Variants in VAV2 observed in about 807,000 individuals in gnomAD.
VAV2 encodes guanine nucleotide exchange factor VAV2.
VAV2 carries 67 observed loss-of-function variants against 132.5 expected under a neutral mutation model. That is an observed-to-expected ratio of 0.51 (90% CI 0.42 to 0.62). The LOEUF (loss-of-function observed/expected upper bound fraction) is 0.62, where lower values mean the gene tolerates loss of function less well. VAV2 is among the 20% of genes least tolerant of loss of function. VAV2 has a pLI of 0.00. For synonymous variants in VAV2, 492 were observed against 443.5 expected (o/e 1.11, Z -1.37); for missense variants, 938 against 1,153.6 (o/e 0.81, Z 2.71).
intron 2 of VAV2, among the ~76,000 whole-genome samples, chr9:133,917,437 C>CTTTTTTTTTTT (rs1196428348): frequency 2.0e-5 from 1 of 49,014 alleles, no homozygotes; most frequent in African/African-American, 1.0e-4. Context: ...ACAGAAAACT[C>CTTTTTTTTTTT]TTTCTTTTTT....
chr9:133,821,360 C>A (rs1835779664), intron 4 of VAV2, among the ~76,000 whole-genome samples: 1 of 152,214 alleles, frequency 6.6e-6, no homozygotes, highest in Non-Finnish European at 1.5e-5. Flanking sequence ...GGAGGGGAGG[C>A]AGCGAGGGAA....
chr9:133,950,416 C>G (rs999273255), intron 1 of VAV2, among the ~76,000 whole-genome samples: 6 of 152,132 alleles, frequency 3.9e-5, no homozygotes, highest in Non-Finnish European at 7.3e-5. Flanking sequence ...GTGTTCAGAG[C>G]CAGCAGCTGA....
At chr9:133,777,320 G>A (rs990242651) in intron 23 of VAV2, 69 bp downstream of exon 23, 51 of 1,526,804 alleles carry the variant, frequency 3.3e-5, no homozygotes, top group Middle Eastern at 3.4e-4. Context: ...TCCACGTGAG[G>A]AGGCAGCTCC....
chr9:133,765,658 G>C (rs1422562255), intron 29 of VAV2, among the ~76,000 whole-genome samples: 15 of 152,208 alleles, frequency 9.9e-5, no homozygotes, highest in Non-Finnish European at 4.4e-5. Context: ...AGAAGAGCTA[G>C]AGAAGACATG....
At chr9:133,839,754 G>A (rs974193659) in intron 3 of VAV2, among the ~76,000 whole-genome samples, 14 of 152,154 alleles carry the variant, frequency 9.2e-5, no homozygotes, top group Admixed American at 3.3e-4. Context: ...CAGCCTACAC[G>A]AGGAGGCATT....
chr9:133,822,557 C>A (rs1835832525), intron 4 of VAV2, among the ~76,000 whole-genome samples: 1 of 152,146 alleles, frequency 6.6e-6, no homozygotes, highest in Non-Finnish European at 1.5e-5. Context: ...AGACCCTCAC[C>A]ACGACCCATG....
intron 1 of VAV2, among the ~76,000 whole-genome samples, chr9:133,946,559 C>T (rs535304442): frequency 1.3e-5 from 2 of 152,350 alleles, no homozygotes; most frequent in East Asian, 3.9e-4. Flanking sequence ...TCTTGAAATA[C>T]TTCAACAAGT....
At position 133,764,003 on chromosome 9, in the gene VAV2, C is replaced by T; in HGVS notation, c.*59G>A. 5 of 1,603,838 alleles carry T rather than the reference C, an allele frequency of 3.1e-6. No homozygotes were observed. The highest frequency in any genetic ancestry group is 4.3e-6 in the Non-Finnish European group (5 of 1,170,810). On this transcript the variant is annotated 3_prime_UTR_variant, in exon 30 of 30. Transcript: ENST00000371850. ...GAGTCACAGAGGAGCTAGAGACAGA[C>T]TTCAGGGCTGGAGTGACTCTCCCAA...
chr9:133,782,696 G>A (rs750220189), intron 19 of VAV2, among the ~76,000 whole-genome samples: 2 of 152,174 alleles, frequency 1.3e-5, no homozygotes, highest in African/African-American at 2.4e-5. Flanking sequence ...CCAGAGACTC[G>A]GCCTGGGGCC....
intron 3 of VAV2, among the ~76,000 whole-genome samples, chr9:133,849,343 G>A (rs1031292153): frequency 6.6e-6 from 1 of 152,180 alleles, no homozygotes; most frequent in African/African-American, 2.4e-5. Flanking sequence ...GCCTCCTCCT[G>A]GGCCGGGAGT....
In VAV2 at chr9:133,828,833, C is replaced by T. The variant is rs554726389; in HGVS notation, c.449+5439G>A. Among the ~76,000 whole-genome samples the T allele has an allele frequency of 3.3e-5, 5 of 152,354 alleles. No homozygotes were observed. In the South Asian group the frequency reaches 1.0e-3, roughly 32 times the overall value. On this transcript the variant is annotated intron_variant, in intron 4 of 29. Coordinates refer to ENST00000371850, the MANE Select transcript of VAV2 (RefSeq NM_001134398.2). Reference sequence around the variant, plus strand: ...GGAGCCCCACCTTGCCCTCCAGCCTCGCCTTCCACACCCTGCACAACTCCT... The same window carrying T: ...GGAGCCCCACCTTGCCCTCCAGCCTTGCCTTCCACACCCTGCACAACTCCT...
chr9:133,829,796 A>C (rs973287370), intron 4 of VAV2, among the ~76,000 whole-genome samples: 5 of 152,166 alleles, frequency 3.3e-5, no homozygotes, highest in African/African-American at 1.2e-4. Flanking sequence ...CCAGCCTATA[A>C]AATACATTCT....
intron 2 of VAV2, among the ~76,000 whole-genome samples, chr9:133,896,997 G>T (rs1839233033): frequency 6.6e-6 from 1 of 152,082 alleles, no homozygotes; most frequent in Non-Finnish European, 1.5e-5. Context: ...GGGAGGCTGA[G>T]GCAGGAGAAT....
At chr9:133,878,724 A>G (rs374512013) in intron 2 of VAV2, among the ~76,000 whole-genome samples, 34 of 152,294 alleles carry the variant, frequency 2.2e-4, no homozygotes, top group African/African-American at 7.0e-4. Context: ...GGGATCCCCC[A>G]AGCAGTGGCC....
chr9:133,972,418 G>A (rs532747295), intron 1 of VAV2, among the ~76,000 whole-genome samples: 5 of 152,340 alleles, frequency 3.3e-5, no homozygotes, highest in African/African-American at 7.2e-5. Context: ...AACACACTGC[G>A]TCATTAGCTA....
chr9:133,834,683 T>G lies in VAV2; in HGVS notation c.381-343A>C, dbSNP rs1309249788. The stretch of plus-strand genomic sequence containing the variant: ...GACCTGCCTTCCCCTTTACCCACCC[T>G]CCCACTTCCAGGGGGTTCACAGTGG... On this transcript the variant is annotated intron_variant, in intron 3 of 29. Transcript: ENST00000371850. The surrounding 1 kb of genome is among the most constrained non-coding windows in gnomAD (Gnocchi z 5.9). 6.6e-6 allele frequency among the ~76,000 whole-genome samples: 1 copy of G among 152,138 alleles called. No individual in the cohort carries two copies. The highest frequency in any genetic ancestry group is 2.4e-5 in the African/African-American group (1 of 41,430).
chr9:133,847,818 G>A (rs1836996429), intron 3 of VAV2, among the ~76,000 whole-genome samples: 1 of 152,204 alleles, frequency 6.6e-6, no homozygotes, highest in South Asian at 2.1e-4. Context: ...GTGCACGCCT[G>A]GTCGTGGCTG....
intron 9 of VAV2, among the ~76,000 whole-genome samples, chr9:133,798,316 C>T (rs182204545): frequency 1.3e-5 from 2 of 152,306 alleles, no homozygotes; most frequent in East Asian, 3.9e-4. Context: ...CTGGATTCCA[C>T]AAGCAGGGGA....
intron 2 of VAV2, among the ~76,000 whole-genome samples, chr9:133,886,931 G>T (rs575213233): frequency 6.6e-6 from 1 of 152,214 alleles, no homozygotes; most frequent in African/African-American, 2.4e-5. Context: ...AGGCCCAGGG[G>T]CAGAGGCGGC....
Sources: allele counts gnomAD v4.1 joint callset (sites outside exome capture counted in the v4.1 genomes callset), GRCh38; gene constraint gnomAD v4.1.1; non-coding constraint Gnocchi (gnomAD v3.1); transcripts MANE v1.5; gene names NCBI Gene and HGNC (gene_info 2026-07-23, HGNC 2026-07-21).